The following EPB41L5 variants were observed in gnomAD, a reference collection of about 807,000 sequenced individuals.
EPB41L5 encodes the protein band 4.1-like protein 5.
In EPB41L5, 55 loss-of-function variants were observed where a neutral mutation model predicts 106.6. That is an observed-to-expected ratio of 0.52 (90% CI 0.42 to 0.65). EPB41L5 has a LOEUF of 0.65. Among genes scored for constraint, EPB41L5 ranks in the 30% least tolerant of loss-of-function variants. The pLI is 0.00. For missense variants in EPB41L5, 871 were observed against 882.1 expected, an observed-to-expected ratio of 0.99 and a Z score of 0.16; for synonymous variants, 297 against 306.7, an observed-to-expected ratio of 0.97 and a Z score of 0.33.
chr2:120,106,009 G>A, intron 16 of EPB41L5: 1 of 985,098 alleles, frequency 1.0e-6, no homozygotes, highest in Non-Finnish European at 1.2e-6. Flanking sequence ...TAATCTGCAG[G>A]ACATGCTCAT....
At position 120,056,955 on chromosome 2, in the gene EPB41L5, G is replaced by A. The variant is rs541934458; in HGVS notation, c.285+14845G>A. ...TTTGTCACCCAGGCTGGAGTGTAGT[G>A]ACGCCATCACAGCTCACTGCGGCCT... is the stretch of plus-strand genomic sequence containing the variant. On this transcript the variant is annotated intron_variant, in intron 3 of 24. Coordinates refer to ENST00000263713, the MANE Select transcript of EPB41L5 (RefSeq NM_020909.4). 1.4e-3 allele frequency among the ~76,000 whole-genome samples: 213 copies of A among 152,248 alleles called. 1 individual carries two copies. The highest frequency in any genetic ancestry group is 2.7e-3 in the Non-Finnish European group (185 of 68,010).
At chr2:120,075,900 C>T in intron 7 of EPB41L5, 147 bp downstream of exon 7, 1 of 669,780 alleles carries the variant, frequency 1.5e-6, no homozygotes. Context: ...CTGACTTTTA[C>T]TTGTTTTAGA....
chr2:120,061,389 A>AT (rs1442175484), intron 3 of EPB41L5, among the ~76,000 whole-genome samples: 2 of 150,202 alleles, frequency 1.3e-5, no homozygotes, highest in African/African-American at 4.9e-5. Context: ...CGCCCGGCTA[A>AT]TTTTTTTGTA....
intron 3 of EPB41L5, among the ~76,000 whole-genome samples, chr2:120,054,789 A>G (rs1208834618): frequency 4.0e-5 from 6 of 150,400 alleles, no homozygotes; most frequent in East Asian, 3.9e-4. Context: ...TTGGAAATCT[A>G]TTTACTATAG....
intron 3 of EPB41L5, among the ~76,000 whole-genome samples, chr2:120,066,658 T>C (rs529188146): frequency 1.3e-5 from 2 of 152,212 alleles, no homozygotes; most frequent in Admixed American, 1.3e-4. Context: ...ATCTACTGTC[T>C]AGTCAGATTG....
intron 18 of EPB41L5, among the ~76,000 whole-genome samples, chr2:120,139,149 T>C (rs1305696525): frequency 1.3e-5 from 2 of 151,562 alleles, no homozygotes; most frequent in Non-Finnish European, 3.0e-5. Flanking sequence ...ATGAAACTTC[T>C]ATCTCTGCCA....
intron 18 of EPB41L5, 71 bp from the exon 19 acceptor site, chr2:120,142,932 C>T: frequency 7.4e-7 from 1 of 1,353,620 alleles, no homozygotes; most frequent in South Asian, 1.3e-5. Context: ...GAACTTTCAT[C>T]AGTCTATTTC....
At chr2:120,047,561 G>A (rs559009003) in intron 3 of EPB41L5, among the ~76,000 whole-genome samples, 70 of 152,140 alleles carry the variant, frequency 4.6e-4, no homozygotes, top group African/African-American at 1.6e-3. Flanking sequence ...GAGATTTTGG[G>A]CTGAGATGAT....
intron 3 of EPB41L5, among the ~76,000 whole-genome samples, chr2:120,066,868 G>C (rs1001299370): frequency 1.1e-4 from 17 of 152,354 alleles, no homozygotes; most frequent in Middle Eastern, 6.8e-3. Context: ...ATTTGTGTCA[G>C]TTAAGTCTGG....
chr2:120,104,714 T>C (rs1684347708), intron 16 of EPB41L5: 2 of 952,964 alleles, frequency 2.1e-6, no homozygotes, highest in African/African-American at 1.8e-5. Flanking sequence ...TATTTTAATA[T>C]GTCTAAAGTG....
intron 3 of EPB41L5, 96 bp downstream of exon 3, chr2:120,042,206 T>G: frequency 1.1e-6 from 1 of 890,676 alleles, no homozygotes. Flanking sequence ...ATTCTTGATG[T>G]GTTATTGTGA....
rs1683548799 is a variant in EPB41L5 at position 120,093,464 on chromosome 2, G to A, written c.1178+188G>A. Among the ~76,000 whole-genome samples, 3 of 152,192 alleles carry A rather than the reference G, an allele frequency of 2.0e-5. No homozygotes were observed. In the South Asian group the frequency reaches 6.2e-4, roughly 32 times the overall value. ...ATGATGAAAAATTAAAGCAGTTTAA[G>A]GAAGTAAAGAATGGGGTCGAGGCAG... On this transcript the variant is annotated intron_variant, in intron 14 of 24. Transcript: ENST00000263713.
chr2:120,072,203 T>C (rs936303890), intron 3 of EPB41L5, among the ~76,000 whole-genome samples: 53 of 152,164 alleles, frequency 3.5e-4, no homozygotes, highest in African/African-American at 1.3e-3. Flanking sequence ...TCACTGGTTA[T>C]TAGAGAAATG....
At chr2:120,110,293 C>A (rs1308688359) in intron 16 of EPB41L5, among the ~76,000 whole-genome samples, 1 of 152,186 alleles carries the variant, frequency 6.6e-6, no homozygotes, top group Non-Finnish European at 1.5e-5. Flanking sequence ...TTCTAACAAG[C>A]CATTGTTTTT....
intron 20 of EPB41L5, among the ~76,000 whole-genome samples, chr2:120,146,529 GTCTTA>G (rs1296032652): frequency 1.1e-4 from 16 of 152,194 alleles, no homozygotes; most frequent in African/African-American, 3.9e-4. Flanking sequence ...AGCAGAAACC[GTCTTA>G]AAGATATGTG....
intron 17 of EPB41L5, among the ~76,000 whole-genome samples, chr2:120,129,319 G>A (rs1265778864): frequency 2.1e-5 from 3 of 144,748 alleles, no homozygotes; most frequent in African/African-American, 7.6e-5. Context: ...CTGGGCCACA[G>A]AGCAAGACTC....
intron 5 of EPB41L5, 85 bp downstream of exon 5, chr2:120,074,263 C>G (rs539142549): frequency 8.0e-6 from 8 of 995,120 alleles, no homozygotes; most frequent in African/African-American, 6.6e-5. Context: ...TTATAGCCAG[C>G]TAATAAAATG....
rs73952046 is a variant in EPB41L5 at position 120,140,609 on chromosome 2, A to G, written c.1600-2394A>G. Among the ~76,000 whole-genome samples the G allele has an allele frequency of 5.2e-3, 797 of 152,148 alleles. 4 individuals carry two copies. The highest frequency in any genetic ancestry group is 0.018 in the African/African-American group (767 of 41,540). The stretch of plus-strand genomic sequence containing the variant: ...ATCCAGAATCTAATACTTTTTGAGC[A>G]CTGATGTGATGCACAAAGGACATGC... On this transcript the variant is annotated intron_variant, in intron 18 of 24. Transcript: ENST00000263713.
intron 9 of EPB41L5, 21 bp from the exon 10 acceptor site, chr2:120,078,472 A>G: frequency 1.3e-6 from 2 of 1,529,882 alleles, no homozygotes; most frequent in Non-Finnish European, 1.8e-6. Context: ...AAGCTAACAC[A>G]TTTTTCTCCC....
Sources: gnomAD v4.1 joint callset for allele counts (sites outside exome capture counted in the v4.1 genomes callset) on GRCh38, gnomAD v4.1.1 for gene constraint, MANE v1.5 for transcripts, NCBI Gene and HGNC (gene_info 2026-07-23, HGNC 2026-07-21) for gene names.